Variants in GALNT10 observed in about 807,000 individuals in gnomAD.
GALNT10 encodes the protein GalNAc transferase 10.
Under a neutral mutation model 75.0 loss-of-function variants are expected in GALNT10, and 41 were observed. The observed-to-expected ratio is 0.55, with a 90% CI of 0.43 to 0.71. GALNT10 has a LOEUF of 0.71. Among genes scored for constraint, GALNT10 ranks in the 30% least tolerant of loss-of-function variants. GALNT10 has a pLI of 0.00. For missense variants in GALNT10, 727 were observed against 818.5 expected (o/e 0.89, Z 1.36); for synonymous variants, 302 against 313.0 (o/e 0.96, Z 0.37).
At chr5:154,229,641 G>A (rs1216444070) in intron 1 of GALNT10, among the ~76,000 whole-genome samples, 1 of 152,200 alleles carries the variant, frequency 6.6e-6, no homozygotes, top group Admixed American at 6.5e-5. Flanking sequence ...GCTGAGGCAG[G>A]AGAGTGGCGT....
intron 1 of GALNT10, among the ~76,000 whole-genome samples, chr5:154,208,489 T>G (rs972524941): frequency 6.6e-6 from 1 of 152,222 alleles, no homozygotes; most frequent in African/African-American, 2.4e-5. Context: ...TTTCTCTCTC[T>G]CATTTCTTAC....
rs928234231 is a variant in GALNT10, at chr5:154,386,730, T to C, written c.1056+300T>C. 3 of 545,384 alleles carry C rather than the reference T, an allele frequency of 5.5e-6. No homozygotes were observed. In the African/African-American group the frequency reaches 5.9e-5, roughly 11 times the overall value. The allele number at this position is 545,384 out of a possible 1,614,324, so 33.8% of individuals were successfully genotyped here. A position where few individuals can be genotyped will look rare whatever the true frequency, so the allele number is the denominator to read the frequency against. On this transcript the variant is annotated intron_variant, in intron 7 of 11. Coordinates refer to ENST00000297107, the MANE Select transcript of GALNT10 (RefSeq NM_198321.4). ...GAATAAGGTCTTGCTTCTACTCAGA[T>C]GGCAGGTCTGAGATTGAGATGTCCA... is the stretch of plus-strand genomic sequence containing the variant.
chr5:154,303,989 C>T (rs896324834), intron 3 of GALNT10, among the ~76,000 whole-genome samples: 4 of 151,760 alleles, frequency 2.6e-5, no homozygotes, highest in Non-Finnish European at 5.9e-5. Flanking sequence ...AGATCCAAAT[C>T]GAAATTCTAG....
chr5:154,214,829 A>AC (rs1752841651), intron 1 of GALNT10, among the ~76,000 whole-genome samples: 1 of 152,158 alleles, frequency 6.6e-6, no homozygotes, highest in Non-Finnish European at 1.5e-5. Context: ...TCAGAGGGAA[A>AC]CCTAGAGCTG....
chr5:154,237,467 C>T (rs567249869), intron 1 of GALNT10, among the ~76,000 whole-genome samples: 6 of 152,256 alleles, frequency 3.9e-5, no homozygotes, highest in South Asian at 4.2e-4. Context: ...TGCATCCGCA[C>T]GCTTGTGAGA....
chr5:154,246,095 G>C (rs1450924806), intron 1 of GALNT10, among the ~76,000 whole-genome samples: 1 of 151,940 alleles, frequency 6.6e-6, no homozygotes, highest in East Asian at 1.9e-4. Flanking sequence ...TGCTGAGAAT[G>C]ATGGTTTCCA....
At chr5:154,288,408 T>TTGTGTGTGTGTGTGTGTGTG (rs10534031) in intron 1 of GALNT10, among the ~76,000 whole-genome samples, 7 of 122,550 alleles carry the variant, frequency 5.7e-5, no homozygotes, top group African/African-American at 1.8e-4. Context: ...AAAATTCCAT[T>TTGTGTGTGTGTGTGTGTGTG]TGTGTGTGTG....
intron 1 of GALNT10, among the ~76,000 whole-genome samples, chr5:154,245,477 G>T (rs887726094): frequency 4.0e-5 from 6 of 151,886 alleles, no homozygotes; most frequent in Admixed American, 2.6e-4. Flanking sequence ...GCTCAGAAAG[G>T]TTCAAACTTG....
At chr5:154,406,555 G>C (rs1220745987) in intron 8 of GALNT10, among the ~76,000 whole-genome samples, 2 of 152,222 alleles carry the variant, frequency 1.3e-5, no homozygotes, top group African/African-American at 2.4e-5. Context: ...CCAGCAGTTT[G>C]GGAGGCCAAG....
At chr5:154,355,022 C>T (rs27152) in intron 4 of GALNT10, among the ~76,000 whole-genome samples, 104,719 of 152,196 alleles carry the variant, frequency 0.69, 36,172 homozygotes, top group Admixed American at 0.74. Flanking sequence ...GTTTGTGCAT[C>T]GTACTGAATT....
At chr5:154,384,467 T>C (rs1316372305) in intron 6 of GALNT10, among the ~76,000 whole-genome samples, 1 of 150,604 alleles carries the variant, frequency 6.6e-6, no homozygotes, top group African/African-American at 2.5e-5. Context: ...AATGAGTTCT[T>C]TCATACTCTT....
intron 1 of GALNT10, among the ~76,000 whole-genome samples, chr5:154,222,433 A>G (rs1752995878): frequency 2.0e-5 from 3 of 152,190 alleles, no homozygotes; most frequent in Admixed American, 1.3e-4. Context: ...AAACATTTGT[A>G]TACAAGTCTT....
chr5:154,403,140 C>T (rs1756203798), intron 7 of GALNT10, among the ~76,000 whole-genome samples: 1 of 152,160 alleles, frequency 6.6e-6, no homozygotes, highest in Admixed American at 6.5e-5. Flanking sequence ...AAGTTAAGTA[C>T]CTTAATCAAA....
intron 4 of GALNT10, chr5:154,349,604 G>C (rs1755176583): frequency 6.6e-6 from 1 of 152,088 alleles, no homozygotes; most frequent in Non-Finnish European, 1.5e-5. Context: ...TGCCTAAAGA[G>C]GAGGGAACCA....
intron 4 of GALNT10, among the ~76,000 whole-genome samples, chr5:154,351,221 T>C (rs1755200550): frequency 1.3e-5 from 2 of 152,256 alleles, no homozygotes; most frequent in African/African-American, 4.8e-5. Context: ...CCATTTTGCA[T>C]ACAAAGAAAC....
intron 1 of GALNT10, among the ~76,000 whole-genome samples, chr5:154,281,631 C>T (rs1561649156): frequency 6.6e-6 from 1 of 152,212 alleles, no homozygotes; most frequent in Non-Finnish European, 1.5e-5. Context: ...AGGACCTCTC[C>T]ACACCCTAAC....
intron 4 of GALNT10, among the ~76,000 whole-genome samples, chr5:154,345,599 C>A (rs1755108899): frequency 1.3e-5 from 2 of 150,096 alleles, no homozygotes; most frequent in African/African-American, 4.9e-5. Flanking sequence ...CCAAGTTCAT[C>A]CAGGTTGTTA....
chr5:154,329,301 G>A (rs1754805907), intron 3 of GALNT10: 2 of 427,650 alleles, frequency 4.7e-6, no homozygotes, highest in East Asian at 3.8e-5. Flanking sequence ...GAGTGTTACT[G>A]TAGGGCAGTC....
chr5:154,396,487 G>A (rs1408579776), intron 7 of GALNT10, among the ~76,000 whole-genome samples: 1 of 151,934 alleles, frequency 6.6e-6, no homozygotes, highest in Non-Finnish European at 1.5e-5. Context: ...ATGATAGGGT[G>A]GGTCCAGACC....
Sources: allele counts gnomAD v4.1 joint callset (sites outside exome capture counted in the v4.1 genomes callset), GRCh38; gene constraint gnomAD v4.1.1; transcripts MANE v1.5; gene names NCBI Gene and HGNC (gene_info 2026-07-23, HGNC 2026-07-21).